Variants in AZIN2 observed in about 807,000 individuals in gnomAD.
AZIN2 encodes antizyme inhibitor 2.
In AZIN2, 28 loss-of-function variants were observed where a neutral mutation model predicts 47.8. That is an observed-to-expected ratio of 0.59 (90% CI 0.43 to 0.80). The LOEUF is 0.80. Among genes scored for constraint, AZIN2 ranks in the 30% least tolerant of loss-of-function variants. The pLI, the probability that AZIN2 is intolerant of heterozygous loss-of-function variation, is 0.00. For missense variants in AZIN2, 535 were observed against 582.5 expected, an observed-to-expected ratio of 0.92 and a Z score of 0.84; for synonymous variants, 221 against 239.4, an observed-to-expected ratio of 0.92 and a Z score of 0.71.
chr1:33,146,276 C>T, the AZIN2 span: 16 of 198,720 alleles, frequency 8.1e-5, no homozygotes, highest in Middle Eastern at 2.2e-3. Context: ...GATGCCAAGT[C>T]TGACAAGGGG....
In AZIN2 at chr1:33,096,792, A is replaced by C; in HGVS notation, c.839A>C (p.Tyr280Ser). 6.2e-7 allele frequency: 1 copy of C among 1,614,168 alleles called. No homozygotes were observed. The highest frequency in any genetic ancestry group is 2.2e-5 in the East Asian group (1 of 44,880). ...VDIFAELGRY[Y>S]VTSAFTVAVS... ...ATCTTTGCTGAGCTGGGGCGCTACT[A>C]CGTGACCTCGGCCTTCACTGTGGCA... Residue 280 changes from tyrosine to serine, a missense_variant, in exon 9 of 12, where the codon TAC becomes TCC. Tyr to Ser is a moderately radical substitution (Grantham distance 144, BLOSUM62 -2). Around this residue, in one of 3 missense-constraint regions of AZIN2, gnomAD observed 409 missense variants for 429.0 expected, o/e 0.95. Transcript: ENST00000294517.
downstream of AZIN2, among the ~76,000 whole-genome samples, chr1:33,124,574 G>A (rs1644843769): frequency 6.6e-6 from 1 of 152,056 alleles, no homozygotes. This position sits in a 1 kb window ranked among gnomAD's most constrained non-coding sequence, Gnocchi z 4.6. Flanking sequence ...ACAACGTGCA[G>A]GTTTGTTACA....
chr1:33,129,270 G>T, the AZIN2 span, among the ~76,000 whole-genome samples: 1 of 152,122 alleles, frequency 6.6e-6, no homozygotes, highest in Non-Finnish European at 1.5e-5. This position sits in a 1 kb window ranked among gnomAD's most constrained non-coding sequence, Gnocchi z 4.1. Context: ...TATGGGTTGG[G>T]GGTTCATCAT....
chr1:33,141,625 T>C, the AZIN2 span, among the ~76,000 whole-genome samples: 138 of 152,326 alleles, frequency 9.1e-4, 2 homozygotes, highest in East Asian at 0.021. Flanking sequence ...AGGAAGTCCC[T>C]GGGTCTCTGG....
intron 7 of AZIN2, among the ~76,000 whole-genome samples, 178 bp downstream of exon 7, chr1:33,093,594 C>T (rs1036379287): frequency 1.3e-5 from 2 of 152,134 alleles, no homozygotes; most frequent in South Asian, 2.1e-4. Context: ...GGGTCCCTTC[C>T]CCAGTCCCAG....
intron 8 of AZIN2, 48 bp from the exon 9 acceptor site, chr1:33,096,659 A>C: frequency 6.2e-7 from 1 of 1,604,468 alleles, no homozygotes. Flanking sequence ...TTCAGCATAA[A>C]GCCCACATTT....
chr1:33,127,336 T>G (rs1432078872), downstream of AZIN2, among the ~76,000 whole-genome samples: 1 of 152,374 alleles, frequency 6.6e-6, no homozygotes, highest in East Asian at 1.9e-4. Flanking sequence ...GAGAGCCTTC[T>G]AGGCTTCGAG....
At chr1:33,082,576 G>T in intron 4 of AZIN2, 1 of 461,472 alleles carries the variant, frequency 2.2e-6, no homozygotes, top group Non-Finnish European at 3.9e-6. Context: ...GGTCAGAAAC[G>T]GGGGATTCCT....
At chr1:33,105,269 TTA>T (rs1335492767) in intron 10 of AZIN2, among the ~76,000 whole-genome samples, 1 of 152,198 alleles carries the variant, frequency 6.6e-6, no homozygotes, top group Non-Finnish European at 1.5e-5. Context: ...CTTTAAAGTT[TTA>T]TATATTGTGA....
chr1:33,140,283 G>A, the AZIN2 span, among the ~76,000 whole-genome samples: 10 of 152,216 alleles, frequency 6.6e-5, no homozygotes, highest in African/African-American at 2.4e-4. This position sits in a 1 kb window ranked among gnomAD's most constrained non-coding sequence, Gnocchi z 4.0. Context: ...CCCAGGTCTC[G>A]ACTCACAGCC....
At chr1:33,129,729 C>T in the AZIN2 span, among the ~76,000 whole-genome samples, 11 of 152,188 alleles carry the variant, frequency 7.2e-5, no homozygotes, top group South Asian at 4.1e-4. The surrounding 1 kb of genome is among the most constrained non-coding windows in gnomAD (Gnocchi z 4.1). Flanking sequence ...CTAATATCAC[C>T]GATAAAGCTC....
At chr1:33,083,809 G>A (rs1182037442) in intron 4 of AZIN2, 145 bp from the exon 5 acceptor site, 10 of 905,018 alleles carry the variant, frequency 1.1e-5, no homozygotes, top group Non-Finnish European at 1.4e-5. Context: ...TGCCCTGTAG[G>A]CTTGGGGAGG....
chr1:33,131,668 C>T, the AZIN2 span, among the ~76,000 whole-genome samples: 1 of 151,738 alleles, frequency 6.6e-6, no homozygotes, highest in Non-Finnish European at 1.5e-5. Flanking sequence ...TCACACATTT[C>T]TTTTTAAATT....
chr1:33,120,575 C>T lies in AZIN2; in HGVS notation c.*393C>T, dbSNP rs1392976280. On this transcript the variant is annotated 3_prime_UTR_variant, in exon 12 of 12. Transcript: ENST00000294517. ...ATTCACAAAGCAGCCTGGGCTAGGCCTGGGGCAGGATTTCCCCATCACTCA... is the reference window on the plus strand; with the variant it reads ...ATTCACAAAGCAGCCTGGGCTAGGCTTGGGGCAGGATTTCCCCATCACTCA... 1 of 180,166 alleles carries T rather than the reference C, an allele frequency of 5.6e-6. No individual in the cohort carries two copies. Among genetic ancestry groups the T allele is most frequent in the East Asian group, 1.6e-4 (1 of 6,196 alleles). The allele number at this position is 180,166 out of a possible 1,614,324, so 11.2% of individuals were successfully genotyped here.
chr1:33,150,134 C>T, the AZIN2 span, among the ~76,000 whole-genome samples: 2 of 152,228 alleles, frequency 1.3e-5, no homozygotes, highest in Non-Finnish European at 2.9e-5. Flanking sequence ...GATTGGCTTT[C>T]CTTAGCCTGA....
rs1644793251 is a variant in AZIN2 at position 33,121,449 on chromosome 1, G to C, written c.*1267G>C. On this transcript the variant is annotated 3_prime_UTR_variant, in exon 12 of 12. Transcript: ENST00000294517. ...GTGGTGGTATGTGCCTGTAATTCCA[G>C]CTACTCAGGAGGCTGAGGCAGGAGA... Among the ~76,000 whole-genome samples the C allele has an allele frequency of 6.6e-6, 1 of 152,184 alleles. No individual in the cohort carries two copies. The highest frequency in any genetic ancestry group is 2.4e-5 in the African/African-American group (1 of 41,450).
At chr1:33,088,656 A>G (rs1268283328) in intron 5 of AZIN2, among the ~76,000 whole-genome samples, 1 of 152,166 alleles carries the variant, frequency 6.6e-6, no homozygotes, top group Non-Finnish European at 1.5e-5. Context: ...GAGCCACTGC[A>G]GCATTCTCTG....
intron 5 of AZIN2, among the ~76,000 whole-genome samples, chr1:33,084,844 C>T (rs1410183212): frequency 6.6e-6 from 1 of 152,156 alleles, no homozygotes; most frequent in African/African-American, 2.4e-5. Context: ...AGGTGATCCA[C>T]CCGCCTCAGC....
At chr1:33,094,263 G>C (rs909051023) in intron 7 of AZIN2, among the ~76,000 whole-genome samples, 1 of 152,198 alleles carries the variant, frequency 6.6e-6, no homozygotes, top group African/African-American at 2.4e-5. Context: ...CCTGCTGACT[G>C]GGAGGCACAG....
Sources: allele counts gnomAD v4.1 joint callset (sites outside exome capture counted in the v4.1 genomes callset), GRCh38; gene constraint gnomAD v4.1.1; regional missense constraint gnomAD v4.1.1; non-coding constraint Gnocchi (gnomAD v3.1); transcripts MANE v1.5; gene names NCBI Gene and HGNC (gene_info 2026-07-23, HGNC 2026-07-21).